TNR: variants seen among roughly 807,000 people sequenced by gnomAD.
TNR encodes the protein tenascin R.
TNR carries 45 observed loss-of-function variants against 150.4 expected under a neutral mutation model. The ratio of observed to expected loss-of-function variants is 0.30; its 90% CI spans 0.24 to 0.38. The LOEUF (loss-of-function observed/expected upper bound fraction) is 0.38, where lower values mean the gene tolerates loss of function less well. Ranked by LOEUF, TNR falls within the 10% of genes least tolerant of loss-of-function variation. The probability of loss-of-function intolerance (pLI) is 1.00; values close to 1 mark genes in which losing one functional copy is unlikely to be tolerated. For synonymous variants in TNR, 687 were observed against 678.4 expected, an observed-to-expected ratio of 1.01 and a Z score of -0.20; for missense variants, 1,544 against 1,759.1, an observed-to-expected ratio of 0.88 and a Z score of 2.19.
intron 2 of TNR, among the ~76,000 whole-genome samples, chr1:175,489,636 T>C (rs1658159400): frequency 1.3e-5 from 2 of 152,192 alleles, no homozygotes; most frequent in Admixed American, 6.5e-5. Context: ...CTATTTGATG[T>C]TGTGAACATC....
chr1:175,646,611 T>C (rs1221989038), intron 1 of TNR, among the ~76,000 whole-genome samples: 1 of 152,028 alleles, frequency 6.6e-6, no homozygotes, highest in African/African-American at 2.4e-5. Context: ...CCAGAGATCA[T>C]AGGCTGACCA....
At chr1:175,538,745 A>G (rs1660387514) in intron 1 of TNR, 2 of 152,174 alleles carry the variant, frequency 1.3e-5, no homozygotes. Context: ...ACACATTTCC[A>G]AATATTCCCA....
At chr1:175,577,039 C>A (rs1370703508) in intron 1 of TNR, among the ~76,000 whole-genome samples, 1 of 152,164 alleles carries the variant, frequency 6.6e-6, no homozygotes, top group African/African-American at 2.4e-5. Context: ...GGTTTCAATT[C>A]ATTCCCCCAC....
At chr1:175,396,947 A>G in intron 4 of TNR, 140 bp from the exon 5 acceptor site, 1 of 1,127,562 alleles carries the variant, frequency 8.9e-7, no homozygotes, top group Non-Finnish European at 1.2e-6. Flanking sequence ...GTGATTTGTA[A>G]CTTCCTTTGT....
At chr1:175,678,434 C>T (rs1665931509) in intron 1 of TNR, among the ~76,000 whole-genome samples, 1 of 152,212 alleles carries the variant, frequency 6.6e-6, no homozygotes, top group Non-Finnish European at 1.5e-5. Context: ...TTATCTCATG[C>T]CCTCCCAGTC....
In TNR at chr1:175,649,212, A is replaced by G. The variant is rs577588270; in HGVS notation, c.-165+94014T>C. On this transcript the variant is annotated intron_variant, in intron 1 of 22. Coordinates refer to ENST00000367674, the MANE Select transcript of TNR (RefSeq NM_003285.3). ...AGCTTTGCCTTCAGCACACCCAGCA[A>G]ATCTGTCTCAGGGCTATTGATCTGC... Among the ~76,000 whole-genome samples the G allele has an allele frequency of 8.8e-4, 134 of 152,190 alleles. 1 individual carries two copies. Among genetic ancestry groups the G allele is most frequent in the African/African-American group, 3.0e-3 (126 of 41,530 alleles).
intron 2 of TNR, among the ~76,000 whole-genome samples, chr1:175,503,882 C>CA (rs1397079066): frequency 3.3e-5 from 5 of 152,180 alleles, no homozygotes; most frequent in Non-Finnish European, 5.9e-5. Flanking sequence ...GTGCAGCCTG[C>CA]AGGGAATCGA....
Position 175,648,604 on chromosome 1 carries a change from G to A in TNR, c.-165+94622C>T, listed in dbSNP as rs140256242. Among the ~76,000 whole-genome samples, 9 of 152,098 alleles carry A rather than the reference G, an allele frequency of 5.9e-5. No homozygotes were observed. The East Asian group carries it at 1.2e-3, about 20-fold the overall frequency. ...AATTCACTCCTTCTCAGTTCCTCCC[G>A]CCTGTCTTCTCTCACTTGCCTGTTC... is the stretch of plus-strand genomic sequence containing the variant. On this transcript the variant is annotated intron_variant, in intron 1 of 22. Transcript: ENST00000367674.
intron 2 of TNR, among the ~76,000 whole-genome samples, chr1:175,419,880 A>G (rs1654674166): frequency 6.6e-6 from 1 of 151,814 alleles, no homozygotes; most frequent in African/African-American, 2.4e-5. Context: ...TTCTCTTGGC[A>G]CACACACTCC....
At chr1:175,689,672 G>A (rs1254064707) in intron 1 of TNR, among the ~76,000 whole-genome samples, 3 of 152,084 alleles carry the variant, frequency 2.0e-5, no homozygotes, top group African/African-American at 7.2e-5. Context: ...TATTGGCCTC[G>A]ATGCCATCCC....
intron 9 of TNR, among the ~76,000 whole-genome samples, chr1:175,375,179 T>G (rs963565277): frequency 5.0e-4 from 4 of 8,056 alleles, no homozygotes; most frequent in Admixed American, 1.7e-3. Context: ...GATTTGTTGT[T>G]TTTTTTTTTT....
intron 1 of TNR, among the ~76,000 whole-genome samples, chr1:175,660,718 G>GA (rs1220034924): frequency 8.5e-5 from 13 of 152,206 alleles, no homozygotes; most frequent in Admixed American, 7.9e-4. Flanking sequence ...CAGCTCCTTG[G>GA]ATGCATAGAG....
At chr1:175,495,812 G>A (rs539417684) in intron 2 of TNR, among the ~76,000 whole-genome samples, 12 of 152,286 alleles carry the variant, frequency 7.9e-5, no homozygotes, top group African/African-American at 2.6e-4. Context: ...GCTGGGACCT[G>A]CGTCAGGCAT....
At chr1:175,344,869 T>C (rs531197579) in intron 18 of TNR, among the ~76,000 whole-genome samples, 2 of 152,116 alleles carry the variant, frequency 1.3e-5, no homozygotes, top group African/African-American at 4.8e-5. Flanking sequence ...CCAGCATTAG[T>C]CTGATAAAAA....
intron 1 of TNR, among the ~76,000 whole-genome samples, chr1:175,650,676 A>C (rs1571713609): frequency 5.9e-5 from 2 of 33,784 alleles, no homozygotes; most frequent in African/African-American, 1.1e-4. Context: ...GGCTGCCTCC[A>C]CCTTATTACT....
intron 1 of TNR, among the ~76,000 whole-genome samples, chr1:175,703,493 T>A (rs990385999): frequency 1.3e-5 from 2 of 152,256 alleles, no homozygotes; most frequent in African/African-American, 2.4e-5. Context: ...AATATTTGAA[T>A]TTTATATATC....
In TNR at chr1:175,328,919, G is replaced by A. The variant is rs112125911; in HGVS notation, c.3793+1155C>T. On this transcript the variant is annotated intron_variant, in intron 21 of 22. Transcript: ENST00000367674. ...AATTCTAATCTTAGAAGTGAATAGC[G>A]TCAGGTGATTTTTTAAATGATTTAG... Among the ~76,000 whole-genome samples the A allele has an allele frequency of 1.3e-3, 203 of 152,350 alleles. 1 individual carries two copies. The highest frequency in any genetic ancestry group is 4.5e-3 in the African/African-American group (188 of 41,584).
chr1:175,371,700 T>C (rs1250327872), intron 9 of TNR, among the ~76,000 whole-genome samples: 8 of 152,152 alleles, frequency 5.3e-5, no homozygotes, highest in Non-Finnish European at 1.5e-5. Context: ...GCACTACTGA[T>C]AGGGTATTGC....
intron 22 of TNR, among the ~76,000 whole-genome samples, chr1:175,323,702 G>T (rs1440250922): frequency 6.6e-6 from 1 of 152,178 alleles, no homozygotes; most frequent in African/African-American, 2.4e-5. Flanking sequence ...GGAACATGTT[G>T]CAGGTCATTC....
Sources: gnomAD v4.1 joint callset for allele counts (sites outside exome capture counted in the v4.1 genomes callset) on GRCh38, gnomAD v4.1.1 for gene constraint, MANE v1.5 for transcripts, NCBI Gene and HGNC (gene_info 2026-07-23, HGNC 2026-07-21) for gene names.